HM13: variants seen among roughly 807,000 people sequenced by gnomAD.
HM13 encodes the protein histocompatibility minor 13.
HM13 carries 18 observed loss-of-function variants against 50.0 expected under a neutral mutation model. The ratio of observed to expected loss-of-function variants is 0.36; its 90% CI spans 0.25 to 0.53. HM13 has a LOEUF of 0.53. HM13 is among the 20% of genes least tolerant of loss of function. The pLI is 0.90. For missense variants in HM13, 393 were observed against 552.4 expected, an observed-to-expected ratio of 0.71 and a Z score of 2.89; for synonymous variants, 197 against 232.6, an observed-to-expected ratio of 0.85 and a Z score of 1.39.
chr20:31,537,588 C>T (rs1016621880), intron 2 of HM13, among the ~76,000 whole-genome samples: 1 of 152,192 alleles, frequency 6.6e-6, no homozygotes, highest in African/African-American at 2.4e-5. Context: ...TGACCATTGA[C>T]TGGAGCATTG....
chr20:31,553,459 G>A (rs376873010), intron 7 of HM13, among the ~76,000 whole-genome samples: 2 of 152,280 alleles, frequency 1.3e-5, no homozygotes, highest in South Asian at 2.1e-4. Flanking sequence ...AAGGCATGAG[G>A]TAGCAGTTAA....
chr20:31,549,028 G>A lies in HM13; in HGVS notation c.455-1G>A. Reference sequence around the variant, plus strand: ...TGGACTTACCTGGCCTCTCTGCTCAGAGATCATCAATTATGAATTTGACAC... The same window carrying A: ...TGGACTTACCTGGCCTCTCTGCTCAAAGATCATCAATTATGAATTTGACAC... On this transcript the variant is annotated splice_acceptor_variant, in intron 4 of 12. Coordinates refer to ENST00000398174, the MANE Select transcript of HM13 (RefSeq NM_178581.3). LOFTEE classifies it high-confidence loss of function. 1 of 1,614,166 alleles carries A rather than the reference G, an allele frequency of 6.2e-7. No homozygotes were observed. The highest frequency in any genetic ancestry group is 8.5e-7 in the Non-Finnish European group (1 of 1,180,012).
intron 9 of HM13, among the ~76,000 whole-genome samples, chr20:31,560,971 G>C (rs1984573614): frequency 6.6e-6 from 1 of 152,226 alleles, no homozygotes. Flanking sequence ...GCTGGCATTG[G>C]AGAGGGAAGT....
At chr20:31,525,594 T>G (rs1307819371) in intron 1 of HM13, among the ~76,000 whole-genome samples, 1 of 152,076 alleles carries the variant, frequency 6.6e-6, no homozygotes, top group Non-Finnish European at 1.5e-5. Context: ...TATAAAACAG[T>G]TGCAGAGTAG....
chr20:31,550,186 C>A, intron 7 of HM13, 65 bp downstream of exon 7: 1 of 1,187,788 alleles, frequency 8.4e-7, no homozygotes, highest in Non-Finnish European at 1.3e-6. Context: ...CCCCCACAGC[C>A]CGTTTCAGTC....
chr20:31,548,066 A>C (rs943860469), intron 4 of HM13: 1 of 1,482,106 alleles, frequency 6.7e-7, no homozygotes, highest in Non-Finnish European at 9.4e-7. Context: ...GAAGGAATGC[A>C]TTTGGGGGGC....
At chr20:31,556,132 A>G (rs1011508880) in intron 8 of HM13, among the ~76,000 whole-genome samples, 1 of 151,294 alleles carries the variant, frequency 6.6e-6, no homozygotes, top group Non-Finnish European at 1.5e-5. Context: ...CCCTGGTTCA[A>G]GCGATTCTCG....
intron 2 of HM13, among the ~76,000 whole-genome samples, chr20:31,534,365 A>G (rs1433452268): frequency 4.6e-5 from 7 of 152,094 alleles, no homozygotes; most frequent in Admixed American, 4.6e-4. Flanking sequence ...GAAGGGGGAG[A>G]GGACAGAAGG....
intron 1 of HM13, among the ~76,000 whole-genome samples, chr20:31,526,726 C>G (rs1600622407): frequency 6.6e-6 from 1 of 152,282 alleles, no homozygotes; most frequent in Non-Finnish European, 1.5e-5. Context: ...TCAAGATTTG[C>G]TTCTCCTCAC....
At position 31,543,175 on chromosome 20, in the gene HM13, G is replaced by A. The variant is rs573053533; in HGVS notation, c.366-1772G>A. On this transcript the variant is annotated intron_variant, in intron 3 of 12. Coordinates refer to ENST00000398174, the MANE Select transcript of HM13 (RefSeq NM_178581.3). ...GGAGCCCATTTCCGATTCTGGCCTT[G>A]CACCTGCTGCGCTTCTCTTCACAAA... Among the ~76,000 whole-genome samples, 94 of 152,336 alleles carry A rather than the reference G, an allele frequency of 6.2e-4. 1 individual carries two copies. Among genetic ancestry groups the A allele is most frequent in the African/African-American group, 1.9e-3 (80 of 41,582 alleles).
intron 3 of HM13, among the ~76,000 whole-genome samples, chr20:31,543,030 A>G (rs1600644550): frequency 6.6e-6 from 1 of 152,168 alleles, no homozygotes; most frequent in Admixed American, 6.5e-5. Flanking sequence ...GTTCTTATCC[A>G]TACCTGCACT....
intron 4 of HM13, chr20:31,547,889 A>G: frequency 1.9e-6 from 2 of 1,036,846 alleles, no homozygotes; most frequent in South Asian, 1.3e-5. Flanking sequence ...GCTGCAGTAG[A>G]TACGATTGTA....
intron 10 of HM13, chr20:31,564,092 AG>A (rs1984763052): frequency 6.6e-6 from 1 of 151,444 alleles, no homozygotes; most frequent in Non-Finnish European, 1.5e-5. Flanking sequence ...AAAAAAAAAA[AG>A]AATGAAGTTT....
intron 2 of HM13, among the ~76,000 whole-genome samples, chr20:31,533,688 C>G (rs2122577274): frequency 6.6e-6 from 1 of 152,312 alleles, no homozygotes; most frequent in Non-Finnish European, 1.5e-5. Context: ...GTGAGATCCC[C>G]TTTTGCTTGT....
intron 7 of HM13, among the ~76,000 whole-genome samples, chr20:31,551,885 AC>A (rs1211216568): frequency 1.3e-5 from 2 of 152,030 alleles, no homozygotes; most frequent in Non-Finnish European, 2.9e-5. Flanking sequence ...CAGCTTAGTG[AC>A]CCCAGAGGAA....
At chr20:31,517,957 T>A (rs922474776) in intron 1 of HM13, among the ~76,000 whole-genome samples, 1 of 152,204 alleles carries the variant, frequency 6.6e-6, no homozygotes, top group African/African-American at 2.4e-5. Context: ...ACATTCATTG[T>A]ATATGTGTCT....
At chr20:31,533,898 C>T (rs1324677130) in intron 2 of HM13, among the ~76,000 whole-genome samples, 1 of 152,094 alleles carries the variant, frequency 6.6e-6, no homozygotes, top group East Asian at 1.9e-4. Context: ...CTTGTTTTTA[C>T]AGGCAGGGTC....
chr20:31,547,955 C>T, intron 4 of HM13: 1 of 1,474,616 alleles, frequency 6.8e-7, no homozygotes. Flanking sequence ...ATGAAGATGT[C>T]TGCAGAAGAT....
chr20:31,525,424 G>A (rs1982428331), intron 1 of HM13, among the ~76,000 whole-genome samples: 1 of 152,144 alleles, frequency 6.6e-6, no homozygotes, highest in Non-Finnish European at 1.5e-5. Flanking sequence ...CTCCATAACT[G>A]AATGTGATCC....
Sources: gnomAD v4.1 joint callset for allele counts (sites outside exome capture counted in the v4.1 genomes callset) on GRCh38, gnomAD v4.1.1 for gene constraint, MANE v1.5 for transcripts, NCBI Gene and HGNC (gene_info 2026-07-23, HGNC 2026-07-21) for gene names.